CCDC42: variants seen among roughly 807,000 people sequenced by gnomAD.
CCDC42 encodes the protein coiled-coil domain-containing protein 42.
In CCDC42, 38 loss-of-function variants were observed where a neutral mutation model predicts 40.8. The observed-to-expected ratio is 0.93, with a 90% confidence interval of 0.72 to 1.22. The LOEUF (loss-of-function observed/expected upper bound fraction) is 1.22, where lower values mean the gene tolerates loss of function less well. CCDC42 is among the 50% of genes most tolerant of loss of function. The pLI, the probability that CCDC42 is intolerant of heterozygous loss-of-function variation, is 0.00. For synonymous variants in CCDC42, 135 were observed against 157.5 expected (o/e 0.86, Z 1.07); for missense variants, 379 against 416.5 (o/e 0.91, Z 0.78).
At chr17:8,743,603 C>T (rs754636077) in intron 3 of CCDC42, 23 bp downstream of exon 3, 10 of 1,419,196 alleles carry the variant, frequency 7.0e-6, no homozygotes, top group East Asian at 2.3e-5. Context: ...CTGGCCACTG[C>T]GGCCGCCCAC....
intron 4 of CCDC42, among the ~76,000 whole-genome samples, chr17:8,738,464 A>AT (rs60710929): frequency 0.036 from 5,020 of 139,616 alleles, 114 homozygotes; most frequent in African/African-American, 0.04. Context: ...ATGATTTGAG[A>AT]TTTTTTTTTT....
intron 4 of CCDC42, among the ~76,000 whole-genome samples, chr17:8,738,226 A>C (rs576839370): frequency 5.9e-5 from 9 of 152,330 alleles, no homozygotes; most frequent in Admixed American, 5.9e-4. Context: ...AAGAGCTCTC[A>C]TCTCTTAGAG....
In CCDC42 at chr17:8,741,505, T is replaced by G; in HGVS notation, c.461A>C (p.Lys154Thr). Residue 154 changes from lysine (K) to threonine (T), a missense_variant, in exon 4 of 7, where the codon AAG (lysine) becomes ACG (threonine). By Grantham distance (78) the Lys-to-Thr change is moderately conservative. Coordinates refer to ENST00000293845, the MANE Select transcript of CCDC42 (RefSeq NM_144681.3). ...GTTCTCCACCACCTTCTCTAGGTACTTGTTGAAGATGTAGTAGTCCTTCAG... is the reference window on the plus strand; with the variant it reads ...GTTCTCCACCACCTTCTCTAGGTACGTGTTGAAGATGTAGTAGTCCTTCAG... Reference protein sequence around the residue: ...AKLKDYYIFNKYLEKVVENSE... With the variant: ...AKLKDYYIFNTYLEKVVENSE... 6.2e-7 allele frequency: 1 copy of G among 1,614,236 alleles called. No homozygotes were observed. The highest frequency in any genetic ancestry group is 8.5e-7 in the Non-Finnish European group (1 of 1,180,032).
rs141777168 is a variant in CCDC42 at position 8,735,513 on chromosome 17, C to T, written c.591G>A (p.Glu197=). The T allele has an allele frequency of 2.6e-4, 415 of 1,614,126 alleles. 1 individual carries two copies. The Middle Eastern group carries it at 3.8e-3, about 15-fold the overall frequency. The change falls in exon 5 of 7, where the codon GAG becomes GAA. Residue 197 remains glutamate, a synonymous_variant. Transcript: ENST00000293845. This position sits in a 1 kb window ranked among gnomAD's most constrained non-coding sequence, Gnocchi z 4.7. The part of the protein sequence containing the change: ...QSAQEGQEKI[E]RAKARLARYM... ...AGCGCGCCAGCCGGGCCTTGGCGCG[C>T]TCAATCTTCTCCTGGCCTTCCTGCG...
intron 6 of CCDC42, 118 bp downstream of exon 6, chr17:8,734,978 T>A: frequency 9.1e-7 from 1 of 1,097,282 alleles, no homozygotes; most frequent in Admixed American, 2.2e-5. Context: ...CCTGATGTTG[T>A]TAAATTTTGA....
At chr17:8,743,027 T>C (rs901503551) in intron 3 of CCDC42, among the ~76,000 whole-genome samples, 1 of 152,224 alleles carries the variant, frequency 6.6e-6, no homozygotes, top group African/African-American at 2.4e-5. Context: ...CGGGGCTTCT[T>C]TGTGGCCGAC....
intron 4 of CCDC42, among the ~76,000 whole-genome samples, chr17:8,739,372 G>A (rs1032395040): frequency 6.6e-6 from 1 of 152,180 alleles, no homozygotes; most frequent in Non-Finnish European, 1.5e-5. Flanking sequence ...AGGTCGTCGC[G>A]CCAGCGGCAG....
chr17:8,731,481 A>G (rs995020813), intron 6 of CCDC42, among the ~76,000 whole-genome samples: 2 of 152,238 alleles, frequency 1.3e-5, no homozygotes, highest in East Asian at 1.9e-4. Flanking sequence ...ACTATCCACA[A>G]TAGCAAAGAG....
chr17:8,739,781 G>A (rs1323685025), intron 4 of CCDC42, among the ~76,000 whole-genome samples: 2 of 152,148 alleles, frequency 1.3e-5, no homozygotes, highest in Admixed American at 6.6e-5. Context: ...GACCTCAGGT[G>A]ATCCACCTAC....
chr17:8,740,018 A>G (rs2086631874), intron 4 of CCDC42, among the ~76,000 whole-genome samples: 1 of 152,182 alleles, frequency 6.6e-6, no homozygotes, highest in Admixed American at 6.5e-5. Context: ...GTGGTTTGAT[A>G]TGGAAATTGT....
At chr17:8,737,258 G>A (rs1457983319) in intron 4 of CCDC42, among the ~76,000 whole-genome samples, 1 of 152,194 alleles carries the variant, frequency 6.6e-6, no homozygotes, top group Non-Finnish European at 1.5e-5. Flanking sequence ...CCACATCAGA[G>A]CTACTAGGAA....
chr17:8,732,551 A>G (rs1439475495), intron 6 of CCDC42, among the ~76,000 whole-genome samples: 1 of 152,194 alleles, frequency 6.6e-6, no homozygotes, highest in Non-Finnish European at 1.5e-5. Flanking sequence ...AAGATGACAG[A>G]GAAGACAGGT....
chr17:8,744,406 G>C (rs2086665161), intron 1 of CCDC42, 121 bp downstream of exon 1: 3 of 866,626 alleles, frequency 3.5e-6, no homozygotes, highest in African/African-American at 3.3e-5. Context: ...CTGGTGCCAA[G>C]GTTATTTGGG....
chr17:8,743,626 C>A lies in CCDC42; in HGVS notation c.294G>T (p.Gln98His). The change falls in exon 3 of 7, where the codon CAG becomes CAT. Residue 98 changes from glutamine to histidine, a missense_variant and splice_region_variant. Physicochemically the swap from Gln to His is conservative, Grantham distance 24 (BLOSUM62 0). Transcript: ENST00000293845. ...AHIQKSEQFI[Q>H]ENDQKRIRAM... ...TGCGGCCGCCCACACCCCTTCAAAC[C>A]TGGATGAACTGCTCAGACTTCTGGA... 2 of 1,598,130 alleles carry A rather than the reference C, an allele frequency of 1.3e-6. No individual in the cohort carries two copies. Among genetic ancestry groups the A allele is most frequent in the Non-Finnish European group, 1.7e-6 (2 of 1,165,398 alleles).
In CCDC42 at chr17:8,735,164, T is replaced by C. The variant is rs2086602256; in HGVS notation, c.805A>G (p.Ile269Val). 1 of 1,614,176 alleles carries C rather than the reference T, an allele frequency of 6.2e-7. No homozygotes were observed. The highest frequency in any genetic ancestry group is 8.5e-7 in the Non-Finnish European group (1 of 1,180,026). The change falls in exon 6 of 7, where the codon ATC becomes GTC. Residue 269 changes from isoleucine (I) to valine (V), a missense_variant. By Grantham distance (29) the Ile-to-Val change is conservative. Transcript: ENST00000293845. This position sits in a 1 kb window ranked among gnomAD's most constrained non-coding sequence, Gnocchi z 4.7. ...IKMATLNLFQIVSKHLKEVTE... is the reference protein window; with the variant it reads ...IKMATLNLFQVVSKHLKEVTE... ...ACCTCCTTCAGGTGCTTGCTCACGA[T>C]CTGGAAGAGGTTCAGCGTGGCCATC...
chr17:8,740,057 C>T (rs1256909012), intron 4 of CCDC42, among the ~76,000 whole-genome samples: 1 of 152,070 alleles, frequency 6.6e-6, no homozygotes, highest in African/African-American at 2.4e-5. Flanking sequence ...TGCATCCTGT[C>T]GCCCCTTCCC....
chr17:8,743,273 A>G (rs1567536499), intron 3 of CCDC42, among the ~76,000 whole-genome samples: 1 of 151,906 alleles, frequency 6.6e-6, no homozygotes, highest in Non-Finnish European at 1.5e-5. Flanking sequence ...AGGGACTAAA[A>G]CTCTGTCTCA....
chr17:8,737,109 AAGCG>A (rs1247813260), intron 4 of CCDC42, among the ~76,000 whole-genome samples: 1 of 152,218 alleles, frequency 6.6e-6, no homozygotes, highest in East Asian at 1.9e-4. Flanking sequence ...GCAAGCAAGC[AAGCG>A]AGCTCAGTAA....
At chr17:8,730,237 C>T (rs376459870) in intron 6 of CCDC42, 30 bp from the exon 7 acceptor site, 80 of 1,585,682 alleles carry the variant, frequency 5.0e-5, no homozygotes, top group Middle Eastern at 3.3e-4. Flanking sequence ...AGCGTTAACT[C>T]CGCCCCCCAG....
Sources: allele counts gnomAD v4.1 joint callset (sites outside exome capture counted in the v4.1 genomes callset), GRCh38; gene constraint gnomAD v4.1.1; non-coding constraint Gnocchi (gnomAD v3.1); transcripts MANE v1.5; gene names NCBI Gene and HGNC (gene_info 2026-07-23, HGNC 2026-07-21).